Variants in SCN7A observed in about 807,000 individuals in gnomAD.
The protein encoded by SCN7A is sodium channel protein type 7 subunit alpha.
In SCN7A, 138 loss-of-function variants were observed where a neutral mutation model predicts 155.2. The ratio of observed to expected loss-of-function variants is 0.89; its 90% CI spans 0.77 to 1.02. The LOEUF (loss-of-function observed/expected upper bound fraction) is 1.02. SCN7A is among the 50% of genes least tolerant of loss of function. SCN7A has a pLI of 0.00. For missense variants in SCN7A, 2,058 were observed against 1,986.6 expected (o/e 1.04, Z -0.68); for synonymous variants, 693 against 649.0 (o/e 1.07, Z -1.03).
chr2:166,479,385 C>A (rs759880796), intron 2 of SCN7A, among the ~76,000 whole-genome samples: 1 of 151,950 alleles, frequency 6.6e-6, no homozygotes, highest in Non-Finnish European at 1.5e-5. Flanking sequence ...ATATACAAAA[C>A]GCAATCTTAT....
Position 166,405,474 on chromosome 2 carries a change from G to C in SCN7A, c.*106C>G. On this transcript the variant is annotated 3_prime_UTR_variant, in exon 26 of 26. Coordinates refer to ENST00000643258, the MANE Select transcript of SCN7A (RefSeq NM_002976.4). ...TGTGAATACAAGCTTAATTACCATCGGTTGTAAAGAACTGATTATTATCTC... is the reference window on the plus strand; with the variant it reads ...TGTGAATACAAGCTTAATTACCATCCGTTGTAAAGAACTGATTATTATCTC... The C allele has an allele frequency of 1.2e-6, 1 of 812,620 alleles. No individual in the cohort carries two copies. 50.3% of individuals were successfully genotyped at this position (812,620 alleles called of 1,614,324 possible). A position where few individuals can be genotyped will look rare whatever the true frequency, so the allele number is the denominator to read the frequency against.
chr2:166,445,056 C>A, intron 12 of SCN7A, 56 bp from the exon 13 acceptor site: 1 of 1,092,256 alleles, frequency 9.2e-7, no homozygotes, highest in Non-Finnish European at 1.4e-6. Flanking sequence ...TGGCTCATGC[C>A]TGTAATCCCA....
chr2:166,450,477 G>T (rs1702153129), intron 11 of SCN7A, among the ~76,000 whole-genome samples: 1 of 151,984 alleles, frequency 6.6e-6, no homozygotes, highest in Admixed American at 6.6e-5. Context: ...TTGAGAAAAA[G>T]AAAAGAAATT....
chr2:166,451,968 T>C (rs1702185586), intron 11 of SCN7A, among the ~76,000 whole-genome samples: 1 of 152,102 alleles, frequency 6.6e-6, no homozygotes, highest in Non-Finnish European at 1.5e-5. Context: ...ACTTTTCAGA[T>C]AAAATATTAA....
chr2:166,421,263 T>C lies in SCN7A; in HGVS notation c.3062A>G (p.Glu1021Gly). ...FCLSLIGKTR[E>G]ELKPLISMKF... ...CATGGAAATAAGAGGTTTTAGTTCT[T>C]CCCGAGTTTTGCCTATTAAGCTAAG... The change falls in exon 20 of 26, where the codon GAA becomes GGA. Residue 1021 changes from glutamate (E) to glycine (G), a missense_variant. Physicochemically the swap from Glu to Gly is moderately conservative, Grantham distance 98. Coordinates refer to ENST00000643258, the MANE Select transcript of SCN7A (RefSeq NM_002976.4). 5 of 1,534,810 alleles carry C rather than the reference T, an allele frequency of 3.3e-6. No homozygotes were observed. Among genetic ancestry groups the C allele is most frequent in the Non-Finnish European group, 4.4e-6 (5 of 1,141,266 alleles).
chr2:166,481,632 A>C (rs945991264), intron 2 of SCN7A, among the ~76,000 whole-genome samples: 2 of 152,186 alleles, frequency 1.3e-5, no homozygotes, highest in Non-Finnish European at 2.9e-5. Flanking sequence ...TGCAGGAGGC[A>C]GTCCGTCTCT....
chr2:166,475,491 TTAA>T (rs1338071539), intron 3 of SCN7A, among the ~76,000 whole-genome samples: 26 of 151,628 alleles, frequency 1.7e-4, no homozygotes, highest in Non-Finnish European at 3.4e-4. Flanking sequence ...GATATAATTC[TTAA>T]TAAAATAATA....
intron 11 of SCN7A, among the ~76,000 whole-genome samples, chr2:166,452,034 C>G (rs901132002): frequency 6.6e-6 from 1 of 152,008 alleles, no homozygotes; most frequent in Admixed American, 6.6e-5. Context: ...TTCCTTAATA[C>G]TAACCAATAC....
Position 166,421,399 on chromosome 2 carries a change from A to T in SCN7A, c.3028-102T>A, listed in dbSNP as rs1046623435. On this transcript the variant is annotated intron_variant, in intron 19 of 25. Transcript: ENST00000643258. ...TATTACAACAGATATATACAATAAA[A>T]GCTTACCAGTAAATTCGTGAATTAT... The T allele has an allele frequency of 5.3e-5, 28 of 526,506 alleles. No homozygotes were observed. The East Asian group carries it at 6.6e-4, about 12-fold the overall frequency. The allele number at this position is 526,506 out of a possible 1,614,324, so 32.6% of individuals were successfully genotyped here. A position where few individuals can be genotyped will look rare whatever the true frequency, so the allele number is the denominator to read the frequency against.
In SCN7A at chr2:166,477,686, G is replaced by A. The variant is rs1233522757; in HGVS notation, c.11C>T (p.Ser4Leu). MLA[S>L]PEPKGLVPFT... ...GGGAACAAGGCCCTTAGGTTCTGGT[G>A]AAGCCAACATTTCCAATTTTGTACC... Residue 4 changes from serine to leucine, a missense_variant, in exon 3 of 26, where the codon TCA (serine) becomes TTA (leucine). By Grantham distance (145) the Ser-to-Leu change is moderately radical. Coordinates refer to ENST00000643258, the MANE Select transcript of SCN7A (RefSeq NM_002976.4). 1.3e-6 allele frequency: 2 copies of A among 1,557,278 alleles called. No homozygotes were observed. The highest frequency in any genetic ancestry group is 1.2e-5 in the South Asian group (1 of 80,508).
intron 9 of SCN7A, among the ~76,000 whole-genome samples, chr2:166,464,240 C>G (rs1702478914): frequency 1.3e-5 from 2 of 151,248 alleles, no homozygotes; most frequent in African/African-American, 4.9e-5. Context: ...GTGTGCTGAG[C>G]AAGTGAGAAA....
Position 166,423,327 on chromosome 2 carries a change from A to AT in SCN7A, c.2958dup (p.Trp987MetfsTer7). ...TAGGCCTTAAAACCATATGCCATCC[A>AT]TTTTAGAAGCATTTCCAGAATGAAG... On this transcript the variant is annotated frameshift_variant, in exon 19 of 26. Transcript: ENST00000643258. LOFTEE classifies it high-confidence loss of function. 6.2e-7 allele frequency: 1 copy of AT among 1,612,446 alleles called. No homozygotes were observed. Among genetic ancestry groups the AT allele is most frequent in the Non-Finnish European group, 8.5e-7 (1 of 1,179,164 alleles).
At chr2:166,464,194 G>GTA (rs779786994) in intron 9 of SCN7A, among the ~76,000 whole-genome samples, 50 of 150,932 alleles carry the variant, frequency 3.3e-4, no homozygotes, top group Non-Finnish European at 5.6e-4. Context: ...ATATATGTAT[G>GTA]TGTGTGTATA....
chr2:166,484,615 C>A (rs1451760576), intron 2 of SCN7A, among the ~76,000 whole-genome samples: 1 of 151,910 alleles, frequency 6.6e-6, no homozygotes, highest in African/African-American at 2.4e-5. Flanking sequence ...ATCACTAATA[C>A]ATGTTTTAAG....
Position 166,418,380 on chromosome 2 carries a change from C to A in SCN7A, c.3136-1395G>T, listed in dbSNP as rs1701437653. On this transcript the variant is annotated intron_variant, in intron 20 of 25. Transcript: ENST00000643258. ...CTCCTGACCTCAGGTGATCCACCCA[C>A]CTCGGCCTCCCAAAGTGATGGGATT... Among the ~76,000 whole-genome samples, 3 of 149,482 alleles carry A rather than the reference C, an allele frequency of 2.0e-5. No homozygotes were observed. In the South Asian group the frequency reaches 6.4e-4, roughly 32 times the overall value.
intron 11 of SCN7A, among the ~76,000 whole-genome samples, chr2:166,453,450 T>C (rs955474816): frequency 6.6e-6 from 1 of 152,204 alleles, no homozygotes; most frequent in East Asian, 1.9e-4. Context: ...ATGCATAATA[T>C]TGACATGTCA....
chr2:166,463,482 T>C (rs116597230), intron 9 of SCN7A, among the ~76,000 whole-genome samples: 1,570 of 152,298 alleles, frequency 0.01, 32 homozygotes, highest in African/African-American at 0.036. Context: ...TGTTGTCTTG[T>C]TGTTTTGGGA....
rs1574993893 is a variant in SCN7A at position 166,406,032 on chromosome 2, T to C, written c.4597A>G (p.Ile1533Val). 6.2e-7 allele frequency: 1 copy of C among 1,612,976 alleles called. No homozygotes were observed. Residue 1533 changes from isoleucine to valine, a missense_variant, in exon 26 of 26, where the codon ATA becomes GTA. By Grantham distance (29) the Ile-to-Val change is conservative (BLOSUM62 3). Coordinates refer to ENST00000643258, the MANE Select transcript of SCN7A (RefSeq NM_002976.4). The part of the protein sequence containing the change: ...KRFDPDRTQY[I>V]DSSKLSDFAA... ...AAATCTGAAAGCTTGCTAGAGTCTA[T>C]GTACTGGGTCCTATCAGGATCAAAC...
At chr2:166,415,622 G>A (rs576879635) in intron 21 of SCN7A, among the ~76,000 whole-genome samples, 3 of 152,194 alleles carry the variant, frequency 2.0e-5, no homozygotes, top group Admixed American at 6.6e-5. Context: ...AAATTGCGAA[G>A]ATTTCATTTT....
Sources: allele counts gnomAD v4.1 joint callset (sites outside exome capture counted in the v4.1 genomes callset), GRCh38; gene constraint gnomAD v4.1.1; transcripts MANE v1.5; gene names NCBI Gene and HGNC (gene_info 2026-07-23, HGNC 2026-07-21).